Variants in KIF16B observed in about 807,000 individuals in gnomAD.
KIF16B encodes kinesin-like protein KIF16B.
KIF16B carries 98 observed loss-of-function variants against 156.3 expected under a neutral mutation model. The ratio of observed to expected loss-of-function variants is 0.63; its 90% CI spans 0.53 to 0.74. The LOEUF (loss-of-function observed/expected upper bound fraction) is 0.74, where lower values mean the gene tolerates loss of function less well. Ranked by LOEUF, KIF16B falls within the 30% of genes least tolerant of loss-of-function variation. The probability of loss-of-function intolerance (pLI) is 0.00; values close to 1 mark genes in which losing one functional copy is unlikely to be tolerated. For synonymous variants in KIF16B, 564 were observed against 583.7 expected, an observed-to-expected ratio of 0.97 and a Z score of 0.49; for missense variants, 1,421 against 1,606.5, an observed-to-expected ratio of 0.88 and a Z score of 1.97.
intron 1 of KIF16B, among the ~76,000 whole-genome samples, chr20:16,551,218 G>A (rs1037843996): frequency 8.1e-4 from 120 of 147,916 alleles, no homozygotes; most frequent in African/African-American, 2.8e-3. Flanking sequence ...TGCAACCTCC[G>A]CCTCCTGGTT....
chr20:16,450,884 A>G (rs2067061885), intron 12 of KIF16B, among the ~76,000 whole-genome samples: 1 of 152,220 alleles, frequency 6.6e-6, no homozygotes, highest in Admixed American at 6.5e-5. Context: ...ACAGATAAAC[A>G]GTAAAATGAT....
chr20:16,388,413 T>C (rs146592372), intron 17 of KIF16B, among the ~76,000 whole-genome samples: 1,620 of 152,322 alleles, frequency 0.011, 18 homozygotes, highest in Non-Finnish European at 0.018. Flanking sequence ...TCAAGAATAA[T>C]TGTATTTGAA....
chr20:16,443,736 C>G (rs917379926), intron 12 of KIF16B, among the ~76,000 whole-genome samples: 4 of 152,158 alleles, frequency 2.6e-5, no homozygotes, highest in African/African-American at 4.8e-5. Flanking sequence ...GAGAGGACTG[C>G]TCCAAAGCCC....
At chr20:16,454,252 T>C (rs2146626706) in intron 12 of KIF16B, among the ~76,000 whole-genome samples, 1 of 152,002 alleles carries the variant, frequency 6.6e-6, no homozygotes, top group Non-Finnish European at 1.5e-5. Context: ...AGCATATTCA[T>C]ATTATTCATA....
Position 16,430,222 on chromosome 20 carries a change from A to C in KIF16B, c.1303-240T>G, listed in dbSNP as rs1014982433. ...TCATTGCCTGATACATAACCTCTTC[A>C]AAGCAAATCTTCCTTCAGAAAGGTT... On this transcript the variant is annotated intron_variant, in intron 12 of 25. Transcript: ENST00000354981. Among the ~76,000 whole-genome samples, 4 of 152,234 alleles carry C rather than the reference A, an allele frequency of 2.6e-5. No individual in the cohort carries two copies. In the South Asian group the frequency reaches 8.3e-4, roughly 31 times the overall value.
At chr20:16,383,788 T>A (rs1381367376) in intron 17 of KIF16B, among the ~76,000 whole-genome samples, 1 of 152,226 alleles carries the variant, frequency 6.6e-6, no homozygotes, top group Non-Finnish European at 1.5e-5. Context: ...ACTCTTCATT[T>A]TTATTTTCTG....
chr20:16,376,719 T>TAC (rs2064960742), intron 19 of KIF16B, among the ~76,000 whole-genome samples: 1 of 152,200 alleles, frequency 6.6e-6, no homozygotes, highest in African/African-American at 2.4e-5. Context: ...TCTGCTATTA[T>TAC]ACAGTATTAA....
intron 22 of KIF16B, chr20:16,368,515 G>A: frequency 1.0e-6 from 1 of 986,140 alleles, no homozygotes; most frequent in Non-Finnish European, 1.2e-6. Context: ...CACAAGCCTG[G>A]CTTGGCTGAT....
At chr20:16,371,614 A>T in intron 21 of KIF16B, 51 bp downstream of exon 21, 2 of 1,166,402 alleles carry the variant, frequency 1.7e-6, no homozygotes, top group South Asian at 1.3e-5. Flanking sequence ...AAAGGAAAAA[A>T]GAAAGATGAA....
intron 24 of KIF16B, among the ~76,000 whole-genome samples, chr20:16,316,556 A>G (rs1486540486): frequency 1.3e-5 from 2 of 152,186 alleles, no homozygotes; most frequent in African/African-American, 2.4e-5. Context: ...GGAGTCTCTG[A>G]AAAATGAGGG....
chr20:16,290,686 G>C (rs895081490), intron 25 of KIF16B, among the ~76,000 whole-genome samples: 1 of 152,178 alleles, frequency 6.6e-6, no homozygotes, highest in African/African-American at 2.4e-5. Flanking sequence ...CAAGCCCTAG[G>C]TGTGATGAGG....
At chr20:16,289,404 G>A (rs1455839891) in intron 25 of KIF16B, among the ~76,000 whole-genome samples, 1 of 152,104 alleles carries the variant, frequency 6.6e-6, no homozygotes, top group Non-Finnish European at 1.5e-5. Context: ...AAACACATGG[G>A]CTTAAAATGT....
At chr20:16,458,735 T>G (rs1042173788) in intron 12 of KIF16B, among the ~76,000 whole-genome samples, 1 of 151,802 alleles carries the variant, frequency 6.6e-6, no homozygotes, top group African/African-American at 2.4e-5. Context: ...AGGGAATCCA[T>G]GTACAGGTAT....
rs1209597780 is a variant in KIF16B at position 16,432,991 on chromosome 20, G to C, written c.1303-3009C>G. 2.0e-5 allele frequency among the ~76,000 whole-genome samples: 3 copies of C among 152,090 alleles called. No individual in the cohort carries two copies. In the East Asian group the frequency reaches 5.8e-4, roughly 29 times the overall value. ...AGTAACATTGATTTACTATAGCAAG[G>C]AATATGCAAATCTCAGCTAAACTGA... On this transcript the variant is annotated intron_variant, in intron 12 of 25. Coordinates refer to ENST00000354981, the MANE Select transcript of KIF16B (RefSeq NM_024704.5).
intron 10 of KIF16B, among the ~76,000 whole-genome samples, chr20:16,501,505 A>T (rs973790862): frequency 3.9e-5 from 6 of 152,120 alleles, no homozygotes; most frequent in African/African-American, 1.4e-4. Flanking sequence ...TGTAGACATA[A>T]ATCTAACAGA....
At chr20:16,368,396 G>C (rs2064731556) in intron 22 of KIF16B, 2 of 988,814 alleles carry the variant, frequency 2.0e-6, no homozygotes, top group Admixed American at 5.9e-5. Flanking sequence ...TCTGTTGACT[G>C]CATGTCAGTC....
chr20:16,307,213 C>T (rs1472145931), intron 25 of KIF16B, among the ~76,000 whole-genome samples: 2 of 151,976 alleles, frequency 1.3e-5, no homozygotes, highest in African/African-American at 4.8e-5. Flanking sequence ...TCATTTTTTT[C>T]ATTAATTATA....
chr20:16,356,543 T>C (rs971535523), intron 22 of KIF16B, 91 bp from the exon 23 acceptor site: 287 of 1,424,454 alleles, frequency 2.0e-4, no homozygotes, highest in Non-Finnish European at 2.8e-4. Flanking sequence ...AGAAAATGTG[T>C]TTCAAGTAGA....
At chr20:16,560,994 AAATAT>A (rs1283544924) in intron 1 of KIF16B, among the ~76,000 whole-genome samples, 1 of 152,012 alleles carries the variant, frequency 6.6e-6, no homozygotes, top group African/African-American at 2.4e-5. Context: ...TTTTTTAAAA[AAATAT>A]AATAGAGAGG....
Sources: allele counts gnomAD v4.1 joint callset (sites outside exome capture counted in the v4.1 genomes callset), GRCh38; gene constraint gnomAD v4.1.1; transcripts MANE v1.5; gene names NCBI Gene and HGNC (gene_info 2026-07-23, HGNC 2026-07-21).